ZSCAN18: variants seen among roughly 807,000 people sequenced by gnomAD.
ZSCAN18 encodes the protein zinc finger and SCAN domain containing 18.
ZSCAN18 carries 16 observed loss-of-function variants against 31.1 expected under a neutral mutation model. The observed-to-expected ratio is 0.51, with a 90% CI of 0.35 to 0.78. ZSCAN18 has a LOEUF of 0.78. ZSCAN18 is among the 30% of genes least tolerant of loss of function. The probability of loss-of-function intolerance (pLI) is 0.01; values close to 1 mark genes in which losing one functional copy is unlikely to be tolerated. For missense variants in ZSCAN18, 731 were observed against 697.4 expected (o/e 1.05, Z -0.54); for synonymous variants, 375 against 320.7 (o/e 1.17, Z -1.81).
chr19:58,092,256 T>C (rs2074427791), intron 1 of ZSCAN18, among the ~76,000 whole-genome samples: 1 of 151,944 alleles, frequency 6.6e-6, no homozygotes, highest in Admixed American at 6.6e-5. Context: ...TTACACTCAA[T>C]AAGCTGTTTA....
chr19:58,087,205 A>G, intron 4 of ZSCAN18, 111 bp downstream of exon 4: 1 of 1,237,338 alleles, frequency 8.1e-7, no homozygotes, highest in Non-Finnish European at 1.1e-6. Flanking sequence ...TCTGGGCCTC[A>G]GCGCTGTGGA....
At chr19:58,096,271 G>A (rs940780599) in intron 1 of ZSCAN18, among the ~76,000 whole-genome samples, 2 of 152,160 alleles carry the variant, frequency 1.3e-5, no homozygotes, top group Non-Finnish European at 2.9e-5. Flanking sequence ...GCCACAGCCT[G>A]CTTGAATGAG....
At chr19:58,097,754 CT>C (rs2074547620) in intron 1 of ZSCAN18, among the ~76,000 whole-genome samples, 1 of 121,256 alleles carries the variant, frequency 8.2e-6, no homozygotes, top group Admixed American at 8.0e-5. Flanking sequence ...CCCCCTCCCC[CT>C]TTTCGCCCCC....
rs150067832 is a variant in ZSCAN18 at position 58,096,358 on chromosome 19, C to G, written c.-120+1816G>C. Among the ~76,000 whole-genome samples, 621 of 152,292 alleles carry G rather than the reference C, an allele frequency of 4.1e-3. 3 individuals carry two copies. Among genetic ancestry groups the G allele is most frequent in the African/African-American group, 0.014 (591 of 41,578 alleles). On this transcript the variant is annotated intron_variant, in intron 1 of 6. Coordinates refer to ENST00000601144, the MANE Select transcript of ZSCAN18 (RefSeq NM_001145543.2). ...AATCTTGGGACTGTCCAGGATTTGC[C>G]TCAGATGGGATTTTCCTGGAGCCCA...
chr19:58,116,261 A>AC (rs1360301994), intron 1 of ZSCAN18, among the ~76,000 whole-genome samples: 1 of 147,858 alleles, frequency 6.8e-6, no homozygotes, highest in Non-Finnish European at 1.5e-5. Context: ...TTCATCACAC[A>AC]CCCCCTCTGT....
At chr19:58,098,118 C>T (rs2074556169) in intron 1 of ZSCAN18, 56 bp downstream of exon 1, 1 of 985,338 alleles carries the variant, frequency 1.0e-6, no homozygotes. Flanking sequence ...TCCTCACCGT[C>T]TACCCTGTTG....
At position 58,084,659 on chromosome 19, in the gene ZSCAN18, C is replaced by G; in HGVS notation, c.*26G>C. On this transcript the variant is annotated 3_prime_UTR_variant, in exon 7 of 7. Transcript: ENST00000601144. The surrounding 1 kb of genome is among the most constrained non-coding windows in gnomAD (Gnocchi z 4.5). Reference sequence around the variant, plus strand: ...GGGATTCACGGCCGGCAAAGCGGCCCCTCCGGAACGGGACAGCACAGCGGC... The same window carrying G: ...GGGATTCACGGCCGGCAAAGCGGCCGCTCCGGAACGGGACAGCACAGCGGC... The G allele has an allele frequency of 6.9e-7, 1 of 1,448,722 alleles. No individual in the cohort carries two copies. The allele number at this position is 1,448,722 out of a possible 1,614,324, so 89.7% of individuals were successfully genotyped here.
In ZSCAN18 at chr19:58,117,650, G is replaced by C. The variant is rs60957726; in HGVS notation, c.130+617C>G. 4.3e-3 allele frequency among the ~76,000 whole-genome samples: 646 copies of C among 151,420 alleles called. 5 individuals carry two copies. The highest frequency in any genetic ancestry group is 0.015 in the African/African-American group (614 of 41,200). On this transcript the variant is annotated intron_variant, in intron 1 of 1. Coordinates refer to the ZSCAN18 transcript ENST00000595721. ...GGAGAGGCAGAAGGGAGGGGCGTCCGCACCTGTGCAGGAAGAGAGGAGGGG... is the reference window on the plus strand; with the variant it reads ...GGAGAGGCAGAAGGGAGGGGCGTCCCCACCTGTGCAGGAAGAGAGGAGGGG...
Position 58,098,217 on chromosome 19 carries a change from C to A in ZSCAN18, c.-163G>T. The A allele has an allele frequency of 3.0e-6, 3 of 985,510 alleles. No individual in the cohort carries two copies. Among genetic ancestry groups the A allele is most frequent in the Non-Finnish European group, 3.6e-6 (3 of 829,990 alleles). 61.0% of individuals were successfully genotyped at this position (985,510 alleles called of 1,614,324 possible). ...AGGCCGGTCCCAGCCGCCCGGAGCC[C>A]CAGTGCGCGATGGCGGCCGGCAAAC... On this transcript the variant is annotated 5_prime_UTR_variant, in exon 1 of 7. Coordinates refer to ENST00000601144, the MANE Select transcript of ZSCAN18 (RefSeq NM_001145543.2).
chr19:58,105,293 A>G (rs1478593085), intron 1 of ZSCAN18, among the ~76,000 whole-genome samples: 2 of 152,236 alleles, frequency 1.3e-5, no homozygotes, highest in Non-Finnish European at 2.9e-5. Flanking sequence ...TTGTTCTCGC[A>G]ACTGCCAACA....
intron 1 of ZSCAN18, among the ~76,000 whole-genome samples, chr19:58,111,249 TC>T (rs1388722521): frequency 1.3e-5 from 2 of 152,144 alleles, no homozygotes; most frequent in African/African-American, 4.8e-5. Flanking sequence ...GGCCCTGAAC[TC>T]CATGTGAGCA....
chr19:58,098,268 C>A, upstream of ZSCAN18: 1 of 985,514 alleles, frequency 1.0e-6, no homozygotes, highest in Non-Finnish European at 1.2e-6. Context: ...GGCCTCACCG[C>A]GGACTACGAC....
Position 58,118,061 on chromosome 19 carries a change from C to A in ZSCAN18, c.130+206G>T, listed in dbSNP as rs891150646. 1.2e-4 allele frequency among the ~76,000 whole-genome samples: 19 copies of A among 152,142 alleles called. No homozygotes were observed. In the East Asian group the frequency reaches 3.5e-3, roughly 28 times the overall value. On this transcript the variant is annotated intron_variant, in intron 1 of 1. Transcript: ENST00000595721. ...GCGCCCGGCGAGGAGATGCGCGTAC[C>A]AGCCCCGCACGCCAAGGGGAGAAGA...
In ZSCAN18 at chr19:58,086,206, A is replaced by T; in HGVS notation, c.806T>A (p.Val269Glu). ...GCTGCTTCCTTGTGGATCTCTTTCCACCAACCGGAGTTCCTCAGTGTCCAG... is the reference window on the plus strand; with the variant it reads ...GCTGCTTCCTTGTGGATCTCTTTCCTCCAACCGGAGTTCCTCAGTGTCCAG... ...SRLDTEELRLVERDPQGSSLP... is the reference protein window; with the variant it reads ...SRLDTEELRLEERDPQGSSLP... The change falls in exon 6 of 7, where the codon GTG becomes GAG. Residue 269 changes from valine to glutamate, a missense_variant. Physicochemically the swap from Val to Glu is moderately radical, Grantham distance 121. This residue lies in a region of ZSCAN18 where 597 missense variants were observed against 499.5 expected (regional missense o/e 1.20). Coordinates refer to ENST00000601144, the MANE Select transcript of ZSCAN18 (RefSeq NM_001145543.2). 1 of 1,613,906 alleles carries T rather than the reference A, an allele frequency of 6.2e-7. No homozygotes were observed. The highest frequency in any genetic ancestry group is 8.5e-7 in the Non-Finnish European group (1 of 1,179,904).
intron 2 of ZSCAN18, among the ~76,000 whole-genome samples, chr19:58,089,626 AAAATAAAT>A (rs767220262): frequency 2.6e-5 from 4 of 152,212 alleles, no homozygotes; most frequent in African/African-American, 9.6e-5. Context: ...CTCCGTCTCA[AAAATAAAT>A]AAATAAATAA....
At chr19:58,096,849 C>T (rs2074527912) in intron 1 of ZSCAN18, among the ~76,000 whole-genome samples, 1 of 152,140 alleles carries the variant, frequency 6.6e-6, no homozygotes, top group South Asian at 2.1e-4. Context: ...AATGAAAAAA[C>T]ATGGAGTAAG....
At chr19:58,087,144 G>T (rs2074297471) in intron 4 of ZSCAN18, 136 bp from the exon 5 acceptor site, 2 of 977,730 alleles carry the variant, frequency 2.0e-6, no homozygotes, top group South Asian at 1.6e-5. Flanking sequence ...GCAGGAGGCA[G>T]CCCCCTTCGC....
At chr19:58,114,665 T>C (rs2074715875) in intron 1 of ZSCAN18, among the ~76,000 whole-genome samples, 1 of 152,054 alleles carries the variant, frequency 6.6e-6, no homozygotes, top group Non-Finnish European at 1.5e-5. Flanking sequence ...TATGCACAAA[T>C]ATACATTAAT....
intron 1 of ZSCAN18, among the ~76,000 whole-genome samples, chr19:58,095,884 G>A (rs867613573): frequency 1.2e-4 from 19 of 152,200 alleles, no homozygotes; most frequent in African/African-American, 3.9e-4. Context: ...CTCCTAAAAC[G>A]CCCAACTCCA....
Sources: allele counts gnomAD v4.1 joint callset (sites outside exome capture counted in the v4.1 genomes callset), GRCh38; gene constraint gnomAD v4.1.1; regional missense constraint gnomAD v4.1.1; non-coding constraint Gnocchi (gnomAD v3.1); transcripts MANE v1.5; gene names NCBI Gene and HGNC (gene_info 2026-07-23, HGNC 2026-07-21).